C5orf52: variants seen among roughly 807,000 people sequenced by gnomAD.
The protein encoded by C5orf52 is uncharacterized protein C5orf52.
A neutral mutation model predicts 16.8 loss-of-function variants in C5orf52; 15 were observed. The ratio of observed to expected loss-of-function variants is 0.89; its 90% confidence interval spans 0.60 to 1.38. The LOEUF (loss-of-function observed/expected upper bound fraction) is 1.38. Among genes scored for constraint, C5orf52 ranks in the 40% most tolerant of loss-of-function variants. C5orf52 has a pLI of 0.00. For synonymous variants in C5orf52, 83 were observed against 87.2 expected (o/e 0.95, Z 0.27); for missense variants, 206 against 213.1 (o/e 0.97, Z 0.21).
chr5:157,676,233 C>T (rs748057319), intron 2 of C5orf52, among the ~76,000 whole-genome samples: 1 of 152,040 alleles, frequency 6.6e-6, no homozygotes, highest in Non-Finnish European at 1.5e-5. Flanking sequence ...CCACTACGCC[C>T]GTCTAATTTT....
Position 157,671,561 on chromosome 5 carries a change from TG to T in C5orf52, c.-51del. 6.9e-7 allele frequency: 1 copy of T among 1,454,558 alleles called. No individual in the cohort carries two copies. The highest frequency in any genetic ancestry group is 9.3e-7 in the Non-Finnish European group (1 of 1,076,372). The allele number at this position is 1,454,558 out of a possible 1,614,324, so 90.1% of individuals were successfully genotyped here. A position where few individuals can be genotyped will look rare whatever the true frequency, so the allele number is the denominator to read the frequency against. ...CCGCGTCAGCGCGCGCCCACCTAGGTGGGCTGGCAACCAGCCACCAGTTTCC... is the reference window on the plus strand; with the variant it reads ...CCGCGTCAGCGCGCGCCCACCTAGGTGGCTGGCAACCAGCCACCAGTTTCC... On this transcript the variant is annotated 5_prime_UTR_variant, in exon 1 of 3. Coordinates refer to ENST00000409999, the MANE Select transcript of C5orf52 (RefSeq NM_001145132.2).
At chr5:157,672,116 C>T (rs1242400672) in intron 1 of C5orf52, among the ~76,000 whole-genome samples, 3 of 152,186 alleles carry the variant, frequency 2.0e-5, no homozygotes, top group Non-Finnish European at 2.9e-5. Context: ...GGTCCTGGCC[C>T]GTCAGTCCCC....
intron 1 of C5orf52, 151 bp from the exon 2 acceptor site, chr5:157,674,941 C>T: frequency 1.7e-6 from 1 of 586,708 alleles, no homozygotes; most frequent in Non-Finnish European, 3.1e-6. Flanking sequence ...ACTGTGGTTA[C>T]TCCCCTGTTC....
chr5:157,679,792 C>T, intron 2 of C5orf52, 49 bp from the exon 3 acceptor site: 2 of 1,506,136 alleles, frequency 1.3e-6, no homozygotes, highest in African/African-American at 1.4e-5. Context: ...TAATCCTAAT[C>T]TCACCTCTTT....
intron 2 of C5orf52, 86 bp downstream of exon 2, chr5:157,675,286 T>TA: frequency 3.7e-6 from 3 of 819,812 alleles, no homozygotes; most frequent in Non-Finnish European, 4.0e-6. Flanking sequence ...TGGGATATCA[T>TA]AGAGGTGATA....
chr5:157,675,175 T>C lies in C5orf52; in HGVS notation c.296T>C (p.Ile99Thr), dbSNP rs564739954. 4.5e-6 allele frequency: 7 copies of C among 1,550,564 alleles called. No individual in the cohort carries two copies. In the South Asian group the frequency reaches 7.1e-5, roughly 16 times the overall value. ...LSRVIIHDNRITQRIYEMEVS... is the reference protein window; with the variant it reads ...LSRVIIHDNRTTQRIYEMEVS... ...CGGGTGATTATTCATGATAACCGCA[T>C]CACACAACGAATCTATGAGATGGAG... The change falls in exon 2 of 3, where the codon ATC becomes ACC. Residue 99 changes from isoleucine (I) to threonine (T), a missense_variant. Coordinates refer to ENST00000409999, the MANE Select transcript of C5orf52 (RefSeq NM_001145132.2).
chr5:157,679,825 C>T lies in C5orf52; in HGVS notation c.322-16C>T. 2 of 1,544,696 alleles carry T rather than the reference C, an allele frequency of 1.3e-6. No homozygotes were observed. The highest frequency in any genetic ancestry group is 1.7e-6 in the Non-Finnish European group (2 of 1,144,824). The stretch of plus-strand genomic sequence containing the variant: ...TTTAGGATCTTGATCCTAACCTCAC[C>T]TCTGTTTTTTGTAAGGTGAGCGCTT... On this transcript the variant is annotated splice_polypyrimidine_tract_variant and intron_variant, in intron 2 of 2. Coordinates refer to ENST00000409999, the MANE Select transcript of C5orf52 (RefSeq NM_001145132.2).
In C5orf52 at chr5:157,673,730, C is replaced by G. The variant is rs544294367; in HGVS notation, c.213-1362C>G. Among the ~76,000 whole-genome samples the G allele has an allele frequency of 7.9e-5, 12 of 152,170 alleles. No homozygotes were observed. In the South Asian group the frequency reaches 2.5e-3, roughly 32 times the overall value. ...TGGTAAAGTAGTTCACTGCAACCTC[C>G]GCCTCCTGGGTTCATGTGATTCTCC... On this transcript the variant is annotated intron_variant, in intron 1 of 2. Coordinates refer to ENST00000409999, the MANE Select transcript of C5orf52 (RefSeq NM_001145132.2).
chr5:157,675,637 C>T (rs1380995003), intron 2 of C5orf52, among the ~76,000 whole-genome samples: 3 of 152,042 alleles, frequency 2.0e-5, no homozygotes, highest in African/African-American at 7.2e-5. Flanking sequence ...AATCCTGTCT[C>T]TACTAAAAAT....
chr5:157,676,766 C>T (rs1759900806), intron 2 of C5orf52, among the ~76,000 whole-genome samples: 2 of 152,180 alleles, frequency 1.3e-5, no homozygotes, highest in African/African-American at 4.8e-5. Flanking sequence ...GGCAGAGTCG[C>T]CAATGTTTTT....
Position 157,671,603 on chromosome 5 carries a change from A to G in C5orf52, c.-12A>G. The G allele has an allele frequency of 6.5e-7, 1 of 1,542,346 alleles. No individual in the cohort carries two copies. The highest frequency in any genetic ancestry group is 8.8e-7 in the Non-Finnish European group (1 of 1,142,790). ...ACCAGTTTCCAACTCTTTCTCCAAC[A>G]GGGAAGCCGCAATGACACAGCCGAC... On this transcript the variant is annotated 5_prime_UTR_variant, in exon 1 of 3. Transcript: ENST00000409999.
intron 1 of C5orf52, among the ~76,000 whole-genome samples, chr5:157,673,483 A>C (rs1361992333): frequency 3.3e-5 from 5 of 152,172 alleles, no homozygotes; most frequent in Non-Finnish European, 7.3e-5. Flanking sequence ...CTTAAAAAAC[A>C]ATACATCACA....
rs1419161849 is a variant in C5orf52, at chr5:157,671,759, G to C, written c.145G>C (p.Gly49Arg). ...TAGACTCGGCCGCCGCCCAGAAATC[G>C]GCGTAGGGGGTCAGCCGCAGATCTG... ...RDRLGRRPEI[G>R]VGGQPQICFP... The change falls in exon 1 of 3, where the codon GGC becomes CGC. Residue 49 changes from glycine to arginine, a missense_variant. Physicochemically the swap from Gly to Arg is moderately radical, Grantham distance 125. Coordinates refer to ENST00000409999, the MANE Select transcript of C5orf52 (RefSeq NM_001145132.2). The C allele has an allele frequency of 4.5e-6, 7 of 1,550,954 alleles. No homozygotes were observed. The highest frequency in any genetic ancestry group is 6.1e-6 in the Non-Finnish European group (7 of 1,146,780).
intron 1 of C5orf52, 29 bp downstream of exon 1, chr5:157,671,855 C>T: frequency 7.0e-7 from 1 of 1,422,734 alleles, no homozygotes; most frequent in South Asian, 1.4e-5. Flanking sequence ...GAGCGTTCGT[C>T]AGACCCTCGG....
chr5:157,673,623 T>C (rs1239634443), intron 1 of C5orf52, among the ~76,000 whole-genome samples: 2 of 152,194 alleles, frequency 1.3e-5, no homozygotes, highest in Admixed American at 1.3e-4. Flanking sequence ...TACATTTTGT[T>C]TCCACATTTT....
At chr5:157,671,428 C>A, upstream of C5orf52, 1 of 590,108 alleles carries the variant, frequency 1.7e-6, no homozygotes. Context: ...CCGTGGCCGC[C>A]GGACTCTGCA....
chr5:157,671,883 A>T, intron 1 of C5orf52, 57 bp downstream of exon 1: 2 of 1,211,736 alleles, frequency 1.7e-6, no homozygotes, highest in South Asian at 1.6e-5. Context: ...AGGGAACCCT[A>T]ACTCTTTGGG....
In C5orf52 at chr5:157,675,110, A is replaced by G; in HGVS notation, c.231A>G (p.Glu77=). 6.4e-7 allele frequency: 1 copy of G among 1,551,126 alleles called. No individual in the cohort carries two copies. Among genetic ancestry groups the G allele is most frequent in the Non-Finnish European group, 8.7e-7 (1 of 1,146,342 alleles). Residue 77 remains glutamate (E), a synonymous_variant, in exon 2 of 3, where the codon GAA becomes GAG. Coordinates refer to ENST00000409999, the MANE Select transcript of C5orf52 (RefSeq NM_001145132.2). ...PVLFSLMNSS[E]AAMKKTLPKS... Reference sequence around the variant, plus strand: ...GCTCCAGCTTAATGAATTCCAGTGAAGCAGCGATGAAAAAAACTTTACCCA... The same window carrying G: ...GCTCCAGCTTAATGAATTCCAGTGAGGCAGCGATGAAAAAAACTTTACCCA...
chr5:157,674,574 C>A (rs1033600019), intron 1 of C5orf52, among the ~76,000 whole-genome samples: 1 of 152,240 alleles, frequency 6.6e-6, no homozygotes, highest in Middle Eastern at 3.4e-3. Flanking sequence ...TTGAACCCAG[C>A]CTGTCCAACA....
Sources: gnomAD v4.1 joint callset for allele counts (sites outside exome capture counted in the v4.1 genomes callset) on GRCh38, gnomAD v4.1.1 for gene constraint, MANE v1.5 for transcripts, NCBI Gene and HGNC (gene_info 2026-07-23, HGNC 2026-07-21) for gene names.